Variants in PPP1R1C observed in about 807,000 individuals in gnomAD.
PPP1R1C encodes protein phosphatase 1 regulatory inhibitor subunit 1C.
In PPP1R1C, 15 loss-of-function variants were observed where a neutral mutation model predicts 17.4. The observed-to-expected ratio is 0.86, with a 90% CI of 0.58 to 1.33. The LOEUF (loss-of-function observed/expected upper bound fraction) is 1.33, where lower values mean the gene tolerates loss of function less well. Ranked by LOEUF, PPP1R1C falls within the 40% of genes most tolerant of loss-of-function variation. The pLI is 0.00. For missense variants in PPP1R1C, 143 were observed against 130.0 expected, an observed-to-expected ratio of 1.10 and a Z score of -0.48; for synonymous variants, 35 against 43.1, an observed-to-expected ratio of 0.81 and a Z score of 0.73.
chr2:182,041,393 G>C (rs189680115), intron 2 of PPP1R1C, among the ~76,000 whole-genome samples: 12 of 152,236 alleles, frequency 7.9e-5, no homozygotes, highest in Non-Finnish European at 1.6e-4. Flanking sequence ...TGGATCACCT[G>C]AGGTCAGGAG....
At chr2:181,959,641 G>T (rs1433737794) in intron 1 of PPP1R1C, among the ~76,000 whole-genome samples, 1 of 152,050 alleles carries the variant, frequency 6.6e-6, no homozygotes, top group Non-Finnish European at 1.5e-5. Context: ...AGTCATTTTA[G>T]TGTCAGCTGA....
At chr2:181,999,428 C>G (rs1470559214) in intron 2 of PPP1R1C, among the ~76,000 whole-genome samples, 1 of 152,126 alleles carries the variant, frequency 6.6e-6, no homozygotes, top group Non-Finnish European at 1.5e-5. Flanking sequence ...GTCAAAAGAG[C>G]TATTTCAGTA....
intron 4 of PPP1R1C, among the ~76,000 whole-genome samples, chr2:182,084,456 G>A (rs1174194936): frequency 6.6e-6 from 1 of 151,972 alleles, no homozygotes; most frequent in Non-Finnish European, 1.5e-5. Context: ...TGGTGAGAGA[G>A]AAGGACCCTG....
chr2:181,983,051 T>C (rs1211550871), upstream of PPP1R1C, among the ~76,000 whole-genome samples: 1 of 152,244 alleles, frequency 6.6e-6, no homozygotes, highest in African/African-American at 2.4e-5. Context: ...TCTTGATTAA[T>C]AGTATCCTAG....
intron 4 of PPP1R1C, among the ~76,000 whole-genome samples, chr2:182,075,242 A>G (rs1242360167): frequency 6.6e-6 from 1 of 152,182 alleles, no homozygotes; most frequent in East Asian, 1.9e-4. Context: ...CCAAACTTAA[A>G]ATGATTTTAA....
intron 5 of PPP1R1C, among the ~76,000 whole-genome samples, chr2:182,123,204 A>C (rs1446430924): frequency 6.6e-6 from 1 of 152,232 alleles, no homozygotes; most frequent in Non-Finnish European, 1.5e-5. Flanking sequence ...ATGGCTGCAT[A>C]GTATTCCATG....
chr2:182,082,928 G>T (rs954985712), intron 4 of PPP1R1C, among the ~76,000 whole-genome samples: 2 of 152,092 alleles, frequency 1.3e-5, no homozygotes, highest in African/African-American at 2.4e-5. Context: ...CACGGTACCC[G>T]GTGGGATAGA....
At chr2:181,974,094 G>A (rs1204148711) in intron 1 of PPP1R1C, among the ~76,000 whole-genome samples, 3 of 151,902 alleles carry the variant, frequency 2.0e-5, no homozygotes, top group African/African-American at 7.3e-5. Flanking sequence ...ATGCTACCTT[G>A]GAGTATTTAT....
At chr2:182,004,200 T>C (rs1343289121) in intron 2 of PPP1R1C, among the ~76,000 whole-genome samples, 2 of 152,230 alleles carry the variant, frequency 1.3e-5, no homozygotes, top group Non-Finnish European at 2.9e-5. Flanking sequence ...TCTCATTTGC[T>C]CTAAGTCCTG....
chr2:182,050,184 CA>C (rs1446560404), intron 2 of PPP1R1C, among the ~76,000 whole-genome samples: 1 of 152,174 alleles, frequency 6.6e-6, no homozygotes, highest in Non-Finnish European at 1.5e-5. Flanking sequence ...AATATCAAGG[CA>C]AGTTTTTTGT....
chr2:181,958,953 A>G (rs1415853216), intron 1 of PPP1R1C, among the ~76,000 whole-genome samples: 1 of 152,260 alleles, frequency 6.6e-6, no homozygotes, highest in Non-Finnish European at 1.5e-5. Flanking sequence ...ATTTTGAGGC[A>G]CAAATGTTTG....
intron 4 of PPP1R1C, among the ~76,000 whole-genome samples, chr2:182,067,920 A>T (rs1030504492): frequency 6.6e-6 from 1 of 152,126 alleles, no homozygotes; most frequent in African/African-American, 2.4e-5. Flanking sequence ...ATGGCAATTT[A>T]ATTACATTGC....
At chr2:182,018,956 T>C (rs1240276685) in intron 2 of PPP1R1C, among the ~76,000 whole-genome samples, 1 of 152,072 alleles carries the variant, frequency 6.6e-6, no homozygotes, top group Non-Finnish European at 1.5e-5. Flanking sequence ...AAAAGGAAAA[T>C]ACTTTTGTGG....
At chr2:182,070,118 C>G (rs1018155419) in intron 4 of PPP1R1C, among the ~76,000 whole-genome samples, 2 of 152,140 alleles carry the variant, frequency 1.3e-5, no homozygotes, top group Non-Finnish European at 2.9e-5. Flanking sequence ...GGAGGAGACT[C>G]GCCACAGGCT....
At chr2:182,015,420 T>C (rs1392976913) in intron 2 of PPP1R1C, among the ~76,000 whole-genome samples, 1 of 152,124 alleles carries the variant, frequency 6.6e-6, no homozygotes, top group Non-Finnish European at 1.5e-5. Flanking sequence ...CCTTTATAAT[T>C]ACCCAGTCTC....
chr2:182,079,538 C>CA (rs1337934746), intron 4 of PPP1R1C, among the ~76,000 whole-genome samples: 3 of 152,160 alleles, frequency 2.0e-5, no homozygotes, highest in Non-Finnish European at 4.4e-5. Flanking sequence ...AACTGTCTGA[C>CA]CTTGAGAGAG....
intron 2 of PPP1R1C, among the ~76,000 whole-genome samples, chr2:182,045,966 T>C (rs1399938028): frequency 6.6e-6 from 1 of 152,184 alleles, no homozygotes; most frequent in Non-Finnish European, 1.5e-5. Context: ...ATTTAAAATA[T>C]ACAACATGAT....
In PPP1R1C at chr2:181,957,678, T is replaced by C. The variant is rs1025780780; in HGVS notation, n.111+3044T>C. On this transcript the variant is annotated intron_variant and non_coding_transcript_variant, in intron 1 of 5. Coordinates refer to the PPP1R1C transcript ENST00000464264. This position sits in a 1 kb window ranked among gnomAD's most constrained non-coding sequence, Gnocchi z 4.2. ...TACCCAAATAATCAAAATCTGATAA[T>C]TCCCATTGCATACCTTAGGAATCTG... is the stretch of plus-strand genomic sequence containing the variant. 1.3e-5 allele frequency among the ~76,000 whole-genome samples: 2 copies of C among 152,178 alleles called. No individual in the cohort carries two copies. Among genetic ancestry groups the C allele is most frequent in the African/African-American group, 4.8e-5 (2 of 41,436 alleles).
rs1368223901 is a variant in PPP1R1C, at chr2:181,992,185, G to A, written c.142+4286G>A. On this transcript the variant is annotated intron_variant, in intron 2 of 4. Coordinates refer to ENST00000682840, the MANE Select transcript of PPP1R1C (RefSeq NM_001080545.3). ...CTCAGAGAAGAATCCATAATTAACC[G>A]GGCTTTTCAACTCCAGCTCTGATAA... Among the ~76,000 whole-genome samples the A allele has an allele frequency of 3.6e-5, 5 of 137,218 alleles. 1 individual carries two copies. The highest frequency in any genetic ancestry group is 2.0e-4 in the East Asian group (1 of 5,046). The allele number at this position is 137,218 out of a possible 152,430, so 90.0% of individuals were successfully genotyped here.
Sources: allele counts gnomAD v4.1 joint callset (sites outside exome capture counted in the v4.1 genomes callset), GRCh38; gene constraint gnomAD v4.1.1; non-coding constraint Gnocchi (gnomAD v3.1); transcripts MANE v1.5; gene names NCBI Gene and HGNC (gene_info 2026-07-23, HGNC 2026-07-21).